The following LONP2 variants were observed in gnomAD, a reference collection of about 807,000 sequenced individuals.
LONP2 encodes lon peptidase 2, peroxisomal.
In LONP2, 60 loss-of-function variants were observed where a neutral mutation model predicts 85.6. The observed-to-expected ratio is 0.70, with a 90% confidence interval of 0.57 to 0.87. LONP2 has a LOEUF of 0.87. LONP2 is among the 40% of genes least tolerant of loss of function. LONP2 has a pLI of 0.00. For missense variants in LONP2, 860 were observed against 1,063.5 expected, an observed-to-expected ratio of 0.81 and a Z score of 2.66; for synonymous variants, 395 against 389.7, an observed-to-expected ratio of 1.01 and a Z score of -0.16.
At chr16:48,266,467 C>T (rs75228279) in intron 6 of LONP2, among the ~76,000 whole-genome samples, 4 of 151,946 alleles carry the variant, frequency 2.6e-5, no homozygotes, top group Admixed American at 2.0e-4. Flanking sequence ...GAGCATAACC[C>T]TCACCTCCAA....
At chr16:48,340,412 C>CA (rs1959778306) in intron 12 of LONP2, among the ~76,000 whole-genome samples, 1 of 152,154 alleles carries the variant, frequency 6.6e-6, no homozygotes, top group African/African-American at 2.4e-5. Context: ...CCCCAATCAC[C>CA]AAAAAATCCC....
At chr16:48,304,653 A>G (rs528741942) in intron 11 of LONP2, among the ~76,000 whole-genome samples, 4 of 152,324 alleles carry the variant, frequency 2.6e-5, no homozygotes, top group Non-Finnish European at 4.4e-5. Context: ...GCAGTGAGCA[A>G]AGGTCATGCC....
chr16:48,256,795 T>A lies in LONP2; in HGVS notation c.600+54T>A, dbSNP rs1971770360. On this transcript the variant is annotated intron_variant, in intron 3 of 14. Transcript: ENST00000285737. ...TGCTTTGTCACTTTTTATTGAGATC[T>A]AGATAGTGAGTAGTTAAGTTTTGAC... is the stretch of plus-strand genomic sequence containing the variant. 2.6e-6 allele frequency: 4 copies of A among 1,556,696 alleles called. No individual in the cohort carries two copies. In the East Asian group the frequency reaches 9.1e-5, roughly 35 times the overall value.
At chr16:48,315,687 C>T (rs1206923123) in intron 11 of LONP2, among the ~76,000 whole-genome samples, 2 of 152,128 alleles carry the variant, frequency 1.3e-5, no homozygotes, top group African/African-American at 4.8e-5. Flanking sequence ...CACTGACTTT[C>T]TTGAATTTGT....
At chr16:48,289,034 T>C (rs1201371542) in intron 8 of LONP2, among the ~76,000 whole-genome samples, 1 of 152,244 alleles carries the variant, frequency 6.6e-6, no homozygotes, top group African/African-American at 2.4e-5. Context: ...TAGCTTATTA[T>C]ATAAATAAAA....
chr16:48,329,050 A>T (rs937565898), intron 11 of LONP2, among the ~76,000 whole-genome samples: 2 of 152,168 alleles, frequency 1.3e-5, no homozygotes, highest in African/African-American at 4.8e-5. Context: ...ACTGGAGACA[A>T]TGATTTATTT....
rs768589313 is a variant in LONP2 at position 48,347,605 on chromosome 16, C to T, written c.2037C>T (p.Gly679=). Residue 679 remains glycine (G), a synonymous_variant, in exon 13 of 15, where the codon GGC becomes GGT. Transcript: ENST00000285737. ...TCGTGGAGGCGAGTCGAATGGATGGCGAGGGCCAGTTAACTCTGACCGGCC... is the reference window on the plus strand; with the variant it reads ...TCGTGGAGGCGAGTCGAATGGATGGTGAGGGCCAGTTAACTCTGACCGGCC... The part of the protein sequence containing the change: ...IMFVEASRMD[G]EGQLTLTGQL... 33 of 1,614,108 alleles carry T rather than the reference C, an allele frequency of 2.0e-5. No individual in the cohort carries two copies. The highest frequency in any genetic ancestry group is 4.4e-5 in the South Asian group (4 of 91,094).
At chr16:48,252,953 T>G (rs1020571043) in intron 2 of LONP2, among the ~76,000 whole-genome samples, 5 of 152,218 alleles carry the variant, frequency 3.3e-5, no homozygotes, top group Non-Finnish European at 7.3e-5. Context: ...CAAACCTTAA[T>G]GAAACATAAA....
intron 14 of LONP2, among the ~76,000 whole-genome samples, chr16:48,350,982 C>T (rs1227180188): frequency 6.6e-6 from 1 of 152,152 alleles, no homozygotes; most frequent in African/African-American, 2.4e-5. Context: ...TTTTTTGTGA[C>T]TCAGCCGTGG....
chr16:48,278,067 A>T (rs542016344), intron 8 of LONP2, among the ~76,000 whole-genome samples: 2 of 151,884 alleles, frequency 1.3e-5, no homozygotes, highest in Non-Finnish European at 2.9e-5. Context: ...TAATACATCC[A>T]TATTAGTATT....
chr16:48,346,572 C>T (rs149482947), intron 12 of LONP2, among the ~76,000 whole-genome samples: 4 of 152,160 alleles, frequency 2.6e-5, no homozygotes, highest in East Asian at 3.9e-4. Context: ...TAAAGGTAAG[C>T]GGTGGAGAAG....
intron 12 of LONP2, among the ~76,000 whole-genome samples, chr16:48,341,087 G>A (rs1216588055): frequency 6.6e-6 from 1 of 152,156 alleles, no homozygotes; most frequent in Non-Finnish European, 1.5e-5. Context: ...CGGATCATGA[G>A]GTCAGGATTT....
chr16:48,359,016 C>CT (rs879546326), downstream of LONP2, among the ~76,000 whole-genome samples: 7 of 152,140 alleles, frequency 4.6e-5, no homozygotes, highest in Admixed American at 1.3e-4. Context: ...AGCCAAGAGT[C>CT]TCAGTCCGTC....
intron 6 of LONP2, among the ~76,000 whole-genome samples, chr16:48,263,280 T>C (rs552516007): frequency 3.9e-5 from 6 of 152,354 alleles, no homozygotes. Context: ...TTCTTTATAG[T>C]AGATCTCTAG....
chr16:48,312,719 G>A (rs1973059939), intron 11 of LONP2, among the ~76,000 whole-genome samples: 2 of 152,224 alleles, frequency 1.3e-5, no homozygotes, highest in South Asian at 2.1e-4. Flanking sequence ...AAGGCACTAT[G>A]CAGTTGTATC....
At chr16:48,256,013 T>C (rs769726166) in intron 2 of LONP2, among the ~76,000 whole-genome samples, 1 of 152,234 alleles carries the variant, frequency 6.6e-6, no homozygotes, top group Non-Finnish European at 1.5e-5. Flanking sequence ...TCAACTATGC[T>C]AAATTTCTAA....
intron 8 of LONP2, among the ~76,000 whole-genome samples, chr16:48,292,071 G>A (rs1296815980): frequency 6.6e-6 from 1 of 152,202 alleles, no homozygotes; most frequent in Non-Finnish European, 1.5e-5. Context: ...TCTTTGATCA[G>A]CCATTCACCT....
At chr16:48,314,410 T>G (rs975829492) in intron 11 of LONP2, among the ~76,000 whole-genome samples, 2 of 152,200 alleles carry the variant, frequency 1.3e-5, no homozygotes, top group Non-Finnish European at 2.9e-5. Flanking sequence ...TTGCCTAGAT[T>G]TTTTTCTAAG....
At chr16:48,361,568 T>C (rs1249355869), downstream of LONP2, 5 of 1,609,334 alleles carry the variant, frequency 3.1e-6, no homozygotes, top group African/African-American at 2.7e-5. Context: ...CAGAAAATGT[T>C]TGATTGCCAT....
Sources: allele counts gnomAD v4.1 joint callset (sites outside exome capture counted in the v4.1 genomes callset), GRCh38; gene constraint gnomAD v4.1.1; transcripts MANE v1.5; gene names NCBI Gene and HGNC (gene_info 2026-07-23, HGNC 2026-07-21).